ELL: variants seen among roughly 807,000 people sequenced by gnomAD.
ELL encodes elongation factor for RNA polymerase II.
In ELL, 18 loss-of-function variants were observed where a neutral mutation model predicts 64.0. The observed-to-expected ratio is 0.28, with a 90% CI of 0.19 to 0.42. The LOEUF is 0.42. Ranked by LOEUF, ELL falls within the 10% of genes least tolerant of loss-of-function variation. ELL has a pLI of 1.00. For missense variants in ELL, 797 were observed against 870.4 expected (o/e 0.92, Z 1.06); for synonymous variants, 399 against 376.2 (o/e 1.06, Z -0.70).
At chr19:18,465,087 C>T (rs751885756) in intron 4 of ELL, among the ~76,000 whole-genome samples, 4 of 152,194 alleles carry the variant, frequency 2.6e-5, no homozygotes, top group Non-Finnish European at 5.9e-5. Flanking sequence ...GGTGAAGGTC[C>T]CCAAGGCTGC....
chr19:18,444,931 C>T, intron 11 of ELL, 63 bp from the exon 12 acceptor site: 1 of 1,532,998 alleles, frequency 6.5e-7, no homozygotes, highest in African/African-American at 1.4e-5. Context: ...CCGCTGTAAG[C>T]AGGCCAGTGT....
chr19:18,485,434 G>A (rs1405572621), intron 1 of ELL, among the ~76,000 whole-genome samples: 1 of 152,134 alleles, frequency 6.6e-6, no homozygotes, highest in African/African-American at 2.4e-5. Flanking sequence ...GGCCCCTTCT[G>A]CCGAGCCCCA....
intron 1 of ELL, among the ~76,000 whole-genome samples, chr19:18,507,765 C>T (rs1477781065): frequency 6.6e-6 from 1 of 152,200 alleles, no homozygotes; most frequent in East Asian, 1.9e-4. Context: ...TAGGTTGTGC[C>T]CCGCCGAACA....
intron 5 of ELL, among the ~76,000 whole-genome samples, chr19:18,458,800 A>T (rs78157729): frequency 0.026 from 3,870 of 151,748 alleles, 104 homozygotes; most frequent in African/African-American, 0.07. Flanking sequence ...ACTCCAGCTA[A>T]TTTTTTTTAA....
rs1177393375 is a variant in ELL, at chr19:18,450,647, T to A, written c.1295A>T (p.Asp432Val). 2 of 1,602,572 alleles carry A rather than the reference T, an allele frequency of 1.2e-6. No individual in the cohort carries two copies. The highest frequency in any genetic ancestry group is 4.5e-5 in the East Asian group (2 of 44,448). Residue 432 changes from aspartate to valine, a missense_variant, in exon 8 of 12, where the codon GAC becomes GTC. Physicochemically the swap from Asp to Val is radical, Grantham distance 152. Transcript: ENST00000262809. ...GTGTGGCCTGCTGGGCTGGGCACAGTCCGTCAGCAGGGGCAGGCCGAGGCG... is the reference window on the plus strand; with the variant it reads ...GTGTGGCCTGCTGGGCTGGGCACAGACCGTCAGCAGGGGCAGGCCGAGGCG... ...TVRLGLPLLT[D>V]CAQPSRPHGS...
At position 18,521,913 on chromosome 19, in the gene ELL, C is replaced by A; in HGVS notation, c.135+8G>T. The A allele has an allele frequency of 1.9e-6, 3 of 1,582,854 alleles. No individual in the cohort carries two copies. The highest frequency in any genetic ancestry group is 1.4e-5 in the African/African-American group (1 of 73,356). On this transcript the variant is annotated splice_region_variant and intron_variant, in intron 1 of 11. Coordinates refer to ENST00000262809, the MANE Select transcript of ELL (RefSeq NM_006532.4). ...CCCCACTGGCGCGCCGGGCGCCATG[C>A]CACTCACCTGTCTGGCGCGGTAGCT...
chr19:18,497,045 T>C (rs1484023243), intron 1 of ELL, among the ~76,000 whole-genome samples: 1 of 152,234 alleles, frequency 6.6e-6, no homozygotes, highest in Non-Finnish European at 1.5e-5. Context: ...GCCTTGGTAT[T>C]TGCCCAGAGG....
chr19:18,457,091 C>T (rs10423802), intron 6 of ELL, among the ~76,000 whole-genome samples: 44,598 of 152,062 alleles, frequency 0.29, 7,906 homozygotes, highest in African/African-American at 0.5. Context: ...ATCCCCATGC[C>T]GGCCCAGAGT....
rs935914238 is a variant in ELL at position 18,444,613 on chromosome 19, C to T, written c.*139G>A. On this transcript the variant is annotated 3_prime_UTR_variant, in exon 12 of 12. Coordinates refer to ENST00000262809, the MANE Select transcript of ELL (RefSeq NM_006532.4). ...CTTGCAGCCACCCGCCAGGGCCAGA[C>T]GTCTGCAGGGGCTGCCCTGAAAGCC... 2.8e-5 allele frequency: 25 copies of T among 906,686 alleles called. No homozygotes were observed. In the African/African-American group the frequency reaches 3.0e-4, roughly 11 times the overall value. 56.2% of individuals were successfully genotyped at this position (906,686 alleles called of 1,614,324 possible). A position where few individuals can be genotyped will look rare whatever the true frequency, so the allele number is the denominator to read the frequency against.
At chr19:18,445,722 A>G (rs1486942899) in intron 10 of ELL, among the ~76,000 whole-genome samples, 9 of 152,140 alleles carry the variant, frequency 5.9e-5, no homozygotes, top group Non-Finnish European at 1.3e-4. Context: ...CCCTGTAGTC[A>G]GGTCACCAGT....
intron 1 of ELL, among the ~76,000 whole-genome samples, chr19:18,481,677 A>G (rs1975301385): frequency 1.3e-5 from 2 of 152,150 alleles, no homozygotes; most frequent in African/African-American, 4.8e-5. Flanking sequence ...CCAACCACCT[A>G]CTCAGCATGA....
At chr19:18,484,672 G>A (rs552376891) in intron 1 of ELL, among the ~76,000 whole-genome samples, 32 of 152,168 alleles carry the variant, frequency 2.1e-4, no homozygotes, top group African/African-American at 7.0e-4. Flanking sequence ...TAACAAAACC[G>A]GCAAGGAAGC....
chr19:18,503,818 T>C (rs188963041), intron 1 of ELL, among the ~76,000 whole-genome samples: 1 of 152,282 alleles, frequency 6.6e-6, no homozygotes, highest in African/African-American at 2.4e-5. Flanking sequence ...TGCTGCAGGC[T>C]GGATGAGGGC....
intron 1 of ELL, among the ~76,000 whole-genome samples, chr19:18,487,647 G>A (rs745479632): frequency 8.5e-5 from 13 of 152,170 alleles, no homozygotes; most frequent in South Asian, 2.1e-4. Flanking sequence ...TCTCTGGGAC[G>A]AGGACCCGTG....
chr19:18,509,597 A>G (rs932617067), intron 1 of ELL, among the ~76,000 whole-genome samples: 1,415 of 31,078 alleles, frequency 0.046, 94 homozygotes, highest in African/African-American at 0.2. Flanking sequence ...GCGCGCGCAC[A>G]TACACACACA....
intron 1 of ELL, among the ~76,000 whole-genome samples, chr19:18,485,585 C>G (rs1336716545): frequency 6.6e-6 from 1 of 152,194 alleles, no homozygotes; most frequent in East Asian, 1.9e-4. Context: ...TAAGGCTCAT[C>G]TTAGAGGCGA....
chr19:18,509,015 G>A (rs942532988), intron 1 of ELL, among the ~76,000 whole-genome samples: 3 of 152,114 alleles, frequency 2.0e-5, no homozygotes, highest in African/African-American at 7.2e-5. Flanking sequence ...GTTTCCTTGA[G>A]GACACAAAAA....
chr19:18,521,543 C>T (rs1976275993), intron 1 of ELL, among the ~76,000 whole-genome samples: 1 of 152,186 alleles, frequency 6.6e-6, no homozygotes. Context: ...TATCACGGTG[C>T]CGGGACCGTG....
chr19:18,474,666 CT>C (rs1975139760), intron 1 of ELL, among the ~76,000 whole-genome samples: 1 of 152,274 alleles, frequency 6.6e-6, no homozygotes, highest in Non-Finnish European at 1.5e-5. Flanking sequence ...ACAAGGGCCA[CT>C]GTGCTACTGC....
Sources: allele counts gnomAD v4.1 joint callset (sites outside exome capture counted in the v4.1 genomes callset), GRCh38; gene constraint gnomAD v4.1.1; transcripts MANE v1.5; gene names NCBI Gene and HGNC (gene_info 2026-07-23, HGNC 2026-07-21).